The following ARL6IP6 variants were observed in gnomAD, a reference collection of about 807,000 sequenced individuals.
The protein encoded by ARL6IP6 is ARF like GTPase 6 interacting protein 6, also known as ADP-ribosylation factor-like protein 6-interacting protein 6.
A neutral mutation model predicts 21.5 loss-of-function variants in ARL6IP6; 22 were observed. The observed-to-expected ratio is 1.02, with a 90% CI of 0.73 to 1.46. The LOEUF is 1.46. Among genes scored for constraint, ARL6IP6 ranks in the 40% most tolerant of loss-of-function variants. ARL6IP6 has a pLI of 0.00. For missense variants in ARL6IP6, 388 were observed against 299.8 expected, an observed-to-expected ratio of 1.29 and a Z score of -2.17; for synonymous variants, 164 against 125.3, an observed-to-expected ratio of 1.31 and a Z score of -2.06.
intron 3 of ARL6IP6, among the ~76,000 whole-genome samples, chr2:152,739,170 A>G (rs1221393495): frequency 6.6e-6 from 1 of 151,990 alleles, no homozygotes; most frequent in Non-Finnish European, 1.5e-5. Flanking sequence ...TATTTTTAGT[A>G]GAGACGGGGT....
At chr2:152,746,228 T>C (rs930568280) in intron 3 of ARL6IP6, among the ~76,000 whole-genome samples, 1 of 152,112 alleles carries the variant, frequency 6.6e-6, no homozygotes, top group Non-Finnish European at 1.5e-5. Context: ...GGTTTTGCCA[T>C]GTTGCCCTAG....
At chr2:152,728,947 A>G (rs112656407) in intron 2 of ARL6IP6, among the ~76,000 whole-genome samples, 8,129 of 151,420 alleles carry the variant, frequency 0.054, 546 homozygotes, top group African/African-American at 0.16. Context: ...TAGTCCAGCT[A>G]CTCTGGAGGC....
chr2:152,749,314 A>AACACACACACAC (rs3080693), intron 3 of ARL6IP6, among the ~76,000 whole-genome samples: 7 of 150,232 alleles, frequency 4.7e-5, no homozygotes, highest in South Asian at 2.1e-4. Context: ...CACACACAAA[A>AACACACACACAC]ACACACACAC....
Position 152,762,296 on chromosome 2 carries a change from T to C in ARL6IP6, c.*2456T>C, listed in dbSNP as rs567953776. 6.6e-6 allele frequency among the ~76,000 whole-genome samples: 1 copy of C among 152,308 alleles called. No homozygotes were observed. Among genetic ancestry groups the C allele is most frequent in the East Asian group, 1.9e-4 (1 of 5,184 alleles). ...GGGAAAGAATAAGGCTGATAACGGATATTGCTAATGGCGTTACCCTGGTCC... is the reference window on the plus strand; with the variant it reads ...GGGAAAGAATAAGGCTGATAACGGACATTGCTAATGGCGTTACCCTGGTCC... On this transcript the variant is annotated 3_prime_UTR_variant, in exon 4 of 4. Coordinates refer to ENST00000326446, the MANE Select transcript of ARL6IP6 (RefSeq NM_152522.7).
chr2:152,724,269 C>A (rs1699933816), intron 2 of ARL6IP6, among the ~76,000 whole-genome samples: 1 of 152,070 alleles, frequency 6.6e-6, no homozygotes, highest in African/African-American at 2.4e-5. Flanking sequence ...TAAGGGAAAG[C>A]ACAAATTTAA....
At chr2:152,737,698 A>G (rs1403841785) in intron 3 of ARL6IP6, among the ~76,000 whole-genome samples, 1 of 152,164 alleles carries the variant, frequency 6.6e-6, no homozygotes, top group South Asian at 2.1e-4. Flanking sequence ...CTCACTCACT[A>G]TTATGAGAAC....
intron 3 of ARL6IP6, among the ~76,000 whole-genome samples, chr2:152,742,564 G>A (rs543430464): frequency 4.9e-5 from 6 of 122,938 alleles, no homozygotes; most frequent in Admixed American, 1.8e-4. Context: ...AGCAAGATAC[G>A]CTCTTTAAAA....
intron 2 of ARL6IP6, among the ~76,000 whole-genome samples, chr2:152,720,859 G>A (rs1699756345): frequency 6.6e-6 from 1 of 152,180 alleles, no homozygotes; most frequent in Non-Finnish European, 1.5e-5. Context: ...GGGAAGCTGA[G>A]GCAGTAGAAT....
At chr2:152,745,561 T>C in intron 3 of ARL6IP6, among the ~76,000 whole-genome samples, 1 of 152,214 alleles carries the variant, frequency 6.6e-6, no homozygotes, top group East Asian at 1.9e-4. Context: ...AGATTTAACA[T>C]TGAGCACAGT....
chr2:152,735,071 G>T lies in ARL6IP6; in HGVS notation c.532G>T (p.Asp178Tyr). The T allele has an allele frequency of 4.3e-6, 7 of 1,613,534 alleles. No individual in the cohort carries two copies. Among genetic ancestry groups the T allele is most frequent in the Non-Finnish European group, 5.9e-6 (7 of 1,179,636 alleles). ...CTTTTCTTGGACAGTGACTTACTTT[G>T]ATTCTTTTGAACCAGGAATGTTTCC... ...CSFSWTVTYF[D>Y]SFEPGMFPPT... is the part of the protein sequence containing the mutation. The change falls in exon 3 of 4, where the codon GAT becomes TAT. Residue 178 changes from aspartate (D) to tyrosine (Y), a missense_variant. Physicochemically the swap from Asp to Tyr is radical, Grantham distance 160. Coordinates refer to ENST00000326446, the MANE Select transcript of ARL6IP6 (RefSeq NM_152522.7).
Position 152,722,186 on chromosome 2 carries a change from C to A in ARL6IP6, c.454+1600C>A, listed in dbSNP as rs564425145. On this transcript the variant is annotated intron_variant, in intron 2 of 3. Coordinates refer to ENST00000326446, the MANE Select transcript of ARL6IP6 (RefSeq NM_152522.7). ...TTTTGACATGGTCCTGCTTCCTTTTCCACTTAGGGTTAAATAATCCCATGT... is the reference window on the plus strand; with the variant it reads ...TTTTGACATGGTCCTGCTTCCTTTTACACTTAGGGTTAAATAATCCCATGT... 3.9e-5 allele frequency among the ~76,000 whole-genome samples: 6 copies of A among 152,324 alleles called. No individual in the cohort carries two copies. The South Asian group carries it at 1.0e-3, about 26-fold the overall frequency.
At chr2:152,743,606 G>A (rs980626097) in intron 3 of ARL6IP6, among the ~76,000 whole-genome samples, 1 of 152,054 alleles carries the variant, frequency 6.6e-6, no homozygotes, top group East Asian at 1.9e-4. Flanking sequence ...CATTGTGAAG[G>A]GAGTTACTAT....
At chr2:152,726,985 A>G (rs1345273045) in intron 2 of ARL6IP6, among the ~76,000 whole-genome samples, 2 of 152,202 alleles carry the variant, frequency 1.3e-5, no homozygotes, top group African/African-American at 4.8e-5. Flanking sequence ...TGGTTTATGT[A>G]TTTACTATGC....
chr2:152,761,832 CAAT>C lies in ARL6IP6; in HGVS notation c.*1993_*1995del, dbSNP rs576154757. ...GTGTAAGTATACTCTGATGTTCACA[CAAT>C]GATGAAATTGCCTAATGACGCTTTT... On this transcript the variant is annotated 3_prime_UTR_variant, in exon 4 of 4. Coordinates refer to ENST00000326446, the MANE Select transcript of ARL6IP6 (RefSeq NM_152522.7). Among the ~76,000 whole-genome samples the C allele has an allele frequency of 7.5e-4, 114 of 152,214 alleles. No individual in the cohort carries two copies. Among genetic ancestry groups the C allele is most frequent in the African/African-American group, 2.5e-3 (103 of 41,536 alleles).
chr2:152,736,703 G>A (rs74922741), intron 3 of ARL6IP6, among the ~76,000 whole-genome samples: 6,330 of 152,002 alleles, frequency 0.042, 277 homozygotes, highest in African/African-American at 0.11. Context: ...CTTGAATTCA[G>A]CCAACCATGG....
At chr2:152,718,454 T>C, upstream of ARL6IP6, 1 of 907,562 alleles carries the variant, frequency 1.1e-6, no homozygotes. Flanking sequence ...CGCCTCTCCT[T>C]TGGCCCTGCG....
At chr2:152,722,522 G>C (rs763123084) in intron 2 of ARL6IP6, among the ~76,000 whole-genome samples, 1 of 152,136 alleles carries the variant, frequency 6.6e-6, no homozygotes, top group Non-Finnish European at 1.5e-5. Flanking sequence ...ATAACATATG[G>C]ATAGAGAATA....
At chr2:152,718,611 T>A (rs1319274477), upstream of ARL6IP6, 1 of 1,504,034 alleles carries the variant, frequency 6.6e-7, no homozygotes, top group Non-Finnish European at 8.9e-7. Flanking sequence ...GCGGGTTTCG[T>A]TGTGTTTCGC....
At chr2:152,719,582 C>G (rs1574004170) in intron 1 of ARL6IP6, among the ~76,000 whole-genome samples, 1 of 151,978 alleles carries the variant, frequency 6.6e-6, no homozygotes, top group Non-Finnish European at 1.5e-5. Context: ...TCCACTCGTC[C>G]TCTAATAATT....
Sources: gnomAD v4.1 joint callset for allele counts (sites outside exome capture counted in the v4.1 genomes callset) on GRCh38, gnomAD v4.1.1 for gene constraint, MANE v1.5 for transcripts, NCBI Gene and HGNC (gene_info 2026-07-23, HGNC 2026-07-21) for gene names.